KCNIP1: variants seen among roughly 807,000 people sequenced by gnomAD.
KCNIP1 encodes the protein A-type potassium channel modulatory protein KCNIP1.
A neutral mutation model predicts 33.0 loss-of-function variants in KCNIP1; 18 were observed. The ratio of observed to expected loss-of-function variants is 0.55; its 90% CI spans 0.38 to 0.81. The LOEUF is 0.81. KCNIP1 is among the 30% of genes least tolerant of loss of function. KCNIP1 has a pLI of 0.00. For synonymous variants in KCNIP1, 93 were observed against 98.3 expected (o/e 0.95, Z 0.32); for missense variants, 238 against 271.6 (o/e 0.88, Z 0.87).
intron 1 of KCNIP1, among the ~76,000 whole-genome samples, chr5:170,568,623 C>T (rs994212895): frequency 8.9e-5 from 10 of 111,998 alleles, no homozygotes; most frequent in African/African-American, 3.3e-4. Flanking sequence ...ACTAGCCTGG[C>T]GAACATGGTG....
intron 1 of KCNIP1, among the ~76,000 whole-genome samples, chr5:170,553,710 TAAG>T (rs1407416917): frequency 6.6e-6 from 1 of 152,158 alleles, no homozygotes; most frequent in Admixed American, 6.5e-5. Flanking sequence ...TCCTTACAAG[TAAG>T]AAGGAGAGGG....
intron 1 of KCNIP1, among the ~76,000 whole-genome samples, chr5:170,621,914 C>A (rs1018040044): frequency 6.6e-6 from 1 of 152,198 alleles, no homozygotes; most frequent in South Asian, 2.1e-4. Context: ...AAACCTCTGT[C>A]CTCAAGCTGC....
chr5:170,696,945 G>T (rs1464600922), intron 1 of KCNIP1, among the ~76,000 whole-genome samples: 1 of 152,016 alleles, frequency 6.6e-6, no homozygotes, highest in Non-Finnish European at 1.5e-5. Context: ...ATTTCCTTCT[G>T]CTCCAGAACT....
At chr5:170,633,001 C>G (rs564646745) in intron 1 of KCNIP1, among the ~76,000 whole-genome samples, 1 of 152,322 alleles carries the variant, frequency 6.6e-6, no homozygotes, top group Admixed American at 6.5e-5. Context: ...CCCTTCTCCC[C>G]GAGGAATAAT....
intron 1 of KCNIP1, among the ~76,000 whole-genome samples, chr5:170,582,789 GGGGAAGAGCCAGA>G (rs1161745932): frequency 1.3e-5 from 2 of 152,282 alleles, no homozygotes; most frequent in East Asian, 3.9e-4. Context: ...CCTACAAATT[GGGGAAGAGCCAGA>G]GGCAATAAAT....
At chr5:170,424,477 C>T (rs1303623574) in intron 1 of KCNIP1, among the ~76,000 whole-genome samples, 1 of 152,120 alleles carries the variant, frequency 6.6e-6, no homozygotes, top group Non-Finnish European at 1.5e-5. Context: ...CATCCCACCC[C>T]GAGGCTCCAC....
intron 1 of KCNIP1, among the ~76,000 whole-genome samples, chr5:170,369,736 C>T (rs1316766727): frequency 6.6e-6 from 1 of 152,228 alleles, no homozygotes; most frequent in African/African-American, 2.4e-5. Flanking sequence ...AAGGCATCAC[C>T]TTGATAAATT....
chr5:170,476,487 C>T (rs187415683), intron 1 of KCNIP1, among the ~76,000 whole-genome samples: 1 of 152,228 alleles, frequency 6.6e-6, no homozygotes, highest in African/African-American at 2.4e-5. Context: ...TTCTTCATGG[C>T]TAATTAGTTA....
chr5:170,414,066 C>T (rs1053072433), intron 1 of KCNIP1, among the ~76,000 whole-genome samples: 1 of 152,118 alleles, frequency 6.6e-6, no homozygotes, highest in African/African-American at 2.4e-5. Flanking sequence ...TGTCAGGAGC[C>T]CTGCCTTAGG....
At chr5:170,663,845 C>T (rs1581466747) in intron 1 of KCNIP1, among the ~76,000 whole-genome samples, 1 of 152,066 alleles carries the variant, frequency 6.6e-6, no homozygotes, top group South Asian at 2.1e-4. Context: ...TGCACCGCTC[C>T]CAACTGGCCT....
chr5:170,504,736 A>C lies in KCNIP1; in HGVS notation c.61+103A>C. 3.8e-5 allele frequency: 35 copies of C among 926,784 alleles called. No homozygotes were observed. Among genetic ancestry groups the C allele is most frequent in the Non-Finnish European group, 5.5e-5 (31 of 567,746 alleles). The allele number at this position is 926,784 out of a possible 1,614,324, so 57.4% of individuals were successfully genotyped here. On this transcript the variant is annotated intron_variant, in intron 1 of 7. Transcript: ENST00000328939. This position sits in a 1 kb window ranked among gnomAD's most constrained non-coding sequence, Gnocchi z 6.0. ...TCCCTTAGTCCGGACTCTCCTCTCCACGAGGAGCCCGGACAGGTGCTTGTA... is the reference window on the plus strand; with the variant it reads ...TCCCTTAGTCCGGACTCTCCTCTCCCCGAGGAGCCCGGACAGGTGCTTGTA...
At chr5:170,700,905 TATA>T (rs1192236721) in intron 1 of KCNIP1, among the ~76,000 whole-genome samples, 1 of 152,188 alleles carries the variant, frequency 6.6e-6, no homozygotes, top group Non-Finnish European at 1.5e-5. Context: ...ACCACCCCAA[TATA>T]ATATTTTGTT....
chr5:170,383,967 C>T (rs766468050), intron 1 of KCNIP1: 4 of 990,116 alleles, frequency 4.0e-6, no homozygotes, highest in Non-Finnish European at 5.9e-6. Context: ...CTGGGATCCT[C>T]ATCTTGTCTT....
intron 1 of KCNIP1, among the ~76,000 whole-genome samples, chr5:170,691,167 G>T (rs1325878018): frequency 1.3e-5 from 2 of 152,172 alleles, no homozygotes; most frequent in Non-Finnish European, 2.9e-5. Context: ...GCATCCTATG[G>T]GTTATGCACT....
intron 1 of KCNIP1, among the ~76,000 whole-genome samples, chr5:170,464,086 A>G (rs1390441197): frequency 6.6e-6 from 1 of 152,230 alleles, no homozygotes; most frequent in East Asian, 1.9e-4. Context: ...AATAAATTTA[A>G]CAGAAGTCTA....
Position 170,661,010 on chromosome 5 carries a change from C to G in KCNIP1, c.62-57748C>G, listed in dbSNP as rs117398106. 5.3e-4 allele frequency among the ~76,000 whole-genome samples: 80 copies of G among 152,344 alleles called. No homozygotes were observed. In the East Asian group the frequency reaches 0.014, roughly 27 times the overall value. ...GGAAGGAGAATGCTCTCAGATGACA[C>G]CTAGGTGGCTGATGTGATAGAATGG... On this transcript the variant is annotated intron_variant, in intron 1 of 7. Transcript: ENST00000328939.
intron 1 of KCNIP1, chr5:170,378,818 G>A: frequency 6.2e-7 from 1 of 1,614,252 alleles, no homozygotes. Flanking sequence ...GGAGGGCCTG[G>A]GGCCCGTAGA....
At chr5:170,619,311 G>C (rs1452355774) in intron 1 of KCNIP1, among the ~76,000 whole-genome samples, 5 of 152,144 alleles carry the variant, frequency 3.3e-5, no homozygotes, top group Admixed American at 3.3e-4. Flanking sequence ...CTGGTCATCA[G>C]GTATCATGAC....
At chr5:170,714,548 T>A (rs1216495339) in intron 1 of KCNIP1, among the ~76,000 whole-genome samples, 1 of 152,184 alleles carries the variant, frequency 6.6e-6, no homozygotes, top group Non-Finnish European at 1.5e-5. Flanking sequence ...CAACACAACA[T>A]ACACAATTGT....
Sources: gnomAD v4.1 joint callset for allele counts (sites outside exome capture counted in the v4.1 genomes callset) on GRCh38, gnomAD v4.1.1 for gene constraint, Gnocchi (gnomAD v3.1) non-coding constraint, MANE v1.5 for transcripts, NCBI Gene and HGNC (gene_info 2026-07-23, HGNC 2026-07-21) for gene names.